PRUNE2: variants seen among roughly 807,000 people sequenced by gnomAD.
PRUNE2 encodes the protein protein prune homolog 2.
In PRUNE2, 164 loss-of-function variants were observed where a neutral mutation model predicts 252.0. The ratio of observed to expected loss-of-function variants is 0.65; its 90% CI spans 0.57 to 0.74. The LOEUF (loss-of-function observed/expected upper bound fraction) is 0.74, where lower values mean the gene tolerates loss of function less well. PRUNE2 is among the 30% of genes least tolerant of loss of function. The pLI, the probability that PRUNE2 is intolerant of heterozygous loss-of-function variation, is 0.00. For missense variants in PRUNE2, 3,495 were observed against 3,711.0 expected (o/e 0.94, Z 1.51); for synonymous variants, 1,292 against 1,350.2 (o/e 0.96, Z 0.94).
At position 76,732,081 on chromosome 9, in the gene PRUNE2, G is replaced by A. The variant is rs573886344; in HGVS notation, c.757-18360C>T. 6.6e-5 allele frequency among the ~76,000 whole-genome samples: 10 copies of A among 152,270 alleles called. No homozygotes were observed. The East Asian group carries it at 1.4e-3, about 21-fold the overall frequency. ...TGTAATCCCAGCACTTTGGAAGGCC[G>A]AGGCGGGTGGATCACGAGGTCAGGA... On this transcript the variant is annotated intron_variant, in intron 6 of 18. Transcript: ENST00000376718.
chr9:76,644,960 T>C (rs1416356850), intron 11 of PRUNE2, 51 bp from the exon 12 acceptor site: 8 of 1,547,680 alleles, frequency 5.2e-6, no homozygotes, highest in Non-Finnish European at 7.0e-6. Flanking sequence ...ACCTCCACAG[T>C]GCAGCTAAAC....
intron 6 of PRUNE2, among the ~76,000 whole-genome samples, chr9:76,728,045 T>C (rs2048272455): frequency 6.6e-6 from 1 of 152,088 alleles, no homozygotes; most frequent in Non-Finnish European, 1.5e-5. Flanking sequence ...AAATGCCAAA[T>C]CTTATATTTA....
intron 6 of PRUNE2, among the ~76,000 whole-genome samples, chr9:76,746,909 T>A (rs2050175431): frequency 6.6e-6 from 1 of 152,158 alleles, no homozygotes; most frequent in Admixed American, 6.5e-5. Context: ...GCGTCCTTTA[T>A]AATAAATGGG....
intron 6 of PRUNE2, among the ~76,000 whole-genome samples, chr9:76,809,959 G>T (rs1258600614): frequency 2.6e-5 from 4 of 152,304 alleles, no homozygotes; most frequent in Non-Finnish European, 2.9e-5. Flanking sequence ...TGGTGTCAAT[G>T]ACTATAGTGT....
chr9:76,823,865 C>A (rs2058186828), intron 5 of PRUNE2, 139 bp from the exon 6 acceptor site: 1 of 596,824 alleles, frequency 1.7e-6, no homozygotes, highest in Non-Finnish European at 3.0e-6. Context: ...ACAATAAACA[C>A]ACACACACAC....
intron 6 of PRUNE2, among the ~76,000 whole-genome samples, chr9:76,765,159 A>G (rs973147248): frequency 2.6e-5 from 4 of 152,146 alleles, no homozygotes; most frequent in Non-Finnish European, 5.9e-5. Context: ...ATGCAGTTAG[A>G]GAAAAGTCAA....
chr9:76,845,032 A>G (rs1290779826), intron 4 of PRUNE2, among the ~76,000 whole-genome samples: 1 of 151,220 alleles, frequency 6.6e-6, no homozygotes, highest in Non-Finnish European at 1.5e-5. Flanking sequence ...AAAAAGCAAA[A>G]AAATTTAAAG....
At chr9:76,646,993 G>A (rs545465954) in intron 11 of PRUNE2, among the ~76,000 whole-genome samples, 12 of 152,198 alleles carry the variant, frequency 7.9e-5, no homozygotes, top group Admixed American at 3.3e-4. Context: ...TTCAAGACCA[G>A]TCCTGGGCAA....
At chr9:76,667,017 G>A (rs930543653) in intron 9 of PRUNE2, among the ~76,000 whole-genome samples, 4 of 152,054 alleles carry the variant, frequency 2.6e-5, no homozygotes, top group Non-Finnish European at 4.4e-5. Context: ...TTACACTCCA[G>A]CCTGGGCAAC....
Position 76,711,851 on chromosome 9 carries a change from C to T in PRUNE2, c.916-493G>A, listed in dbSNP as rs114105897. On this transcript the variant is annotated intron_variant, in intron 7 of 18. Transcript: ENST00000376718. ...AGAGTAGGAAAGACAAAGATGCTCC[C>T]GCAGTCTGATCTTTCCGAACAGCAC... Among the ~76,000 whole-genome samples, 984 of 152,244 alleles carry T rather than the reference C, an allele frequency of 6.5e-3. 9 individuals are homozygous for T. Among genetic ancestry groups the T allele is most frequent in the African/African-American group, 0.022 (899 of 41,542 alleles).
chr9:76,752,234 A>C (rs904407180), intron 6 of PRUNE2, among the ~76,000 whole-genome samples: 1 of 152,028 alleles, frequency 6.6e-6, no homozygotes, highest in Non-Finnish European at 1.5e-5. Flanking sequence ...AGTAGCTGGG[A>C]CTACAGGTGC....
rs371188841 is a variant in PRUNE2 at position 76,850,495 on chromosome 9, C to T, written c.312G>A (p.Ser104=). The change falls in exon 3 of 19, where the codon TCG becomes TCA. Residue 104 remains serine, a synonymous_variant. Coordinates refer to ENST00000376718, the MANE Select transcript of PRUNE2 (RefSeq NM_015225.3). ...LHQLNDEGKL[S]ITLVGSSVLA... ...GCACACTGCTGCCAACAAGTGTTAT[C>T]GATAACTTCCCTTCATCATTTAGCT... 9.4e-5 allele frequency: 152 copies of T among 1,613,952 alleles called. No individual in the cohort carries two copies. Among genetic ancestry groups the T allele is most frequent in the Non-Finnish European group, 1.2e-4 (139 of 1,179,962 alleles).
At chr9:76,867,857 C>T (rs879515042) in intron 1 of PRUNE2, among the ~76,000 whole-genome samples, 2 of 152,176 alleles carry the variant, frequency 1.3e-5, no homozygotes, top group Non-Finnish European at 2.9e-5. Flanking sequence ...AGGTGTGAGC[C>T]ACTGCGCCCG....
At chr9:76,668,109 T>C (rs2040550558) in intron 9 of PRUNE2, among the ~76,000 whole-genome samples, 1 of 152,206 alleles carries the variant, frequency 6.6e-6, no homozygotes, top group South Asian at 2.1e-4. Context: ...GGAATATAAA[T>C]TGAGGTACAG....
At chr9:76,656,850 T>C (rs966712773) in intron 9 of PRUNE2, among the ~76,000 whole-genome samples, 2 of 152,208 alleles carry the variant, frequency 1.3e-5, no homozygotes, top group African/African-American at 2.4e-5. Flanking sequence ...ACATTCTTCC[T>C]GTGGCTTTGA....
At chr9:76,748,484 G>C (rs1321702159) in intron 6 of PRUNE2, among the ~76,000 whole-genome samples, 1 of 152,198 alleles carries the variant, frequency 6.6e-6, no homozygotes, top group Admixed American at 6.5e-5. Context: ...TGCTATGGCT[G>C]AGGGTGGAGG....
At chr9:76,671,571 C>T (rs541865255) in intron 9 of PRUNE2, among the ~76,000 whole-genome samples, 35 of 152,206 alleles carry the variant, frequency 2.3e-4, no homozygotes, top group African/African-American at 8.4e-4. Flanking sequence ...AGATACTCCT[C>T]AAGAAGAGCA....
intron 6 of PRUNE2, among the ~76,000 whole-genome samples, chr9:76,782,382 A>G (rs2054509744): frequency 6.6e-6 from 1 of 152,172 alleles, no homozygotes; most frequent in South Asian, 2.1e-4. Flanking sequence ...AGGTCAGTGG[A>G]GTAGTTAAGA....
intron 6 of PRUNE2, among the ~76,000 whole-genome samples, chr9:76,810,832 T>C (rs982403780): frequency 6.6e-6 from 1 of 152,196 alleles, no homozygotes; most frequent in Non-Finnish European, 1.5e-5. Context: ...ACAAATGTAG[T>C]CCACTGTTTC....
Sources: allele counts gnomAD v4.1 joint callset (sites outside exome capture counted in the v4.1 genomes callset), GRCh38; gene constraint gnomAD v4.1.1; transcripts MANE v1.5; gene names NCBI Gene and HGNC (gene_info 2026-07-23, HGNC 2026-07-21).